RECQL5: variants seen among roughly 807,000 people sequenced by gnomAD.
RECQL5 encodes RecQ like helicase 5.
A neutral mutation model predicts 103.4 loss-of-function variants in RECQL5; 88 were observed. The ratio of observed to expected loss-of-function variants is 0.85; its 90% CI spans 0.72 to 1.02. The LOEUF (loss-of-function observed/expected upper bound fraction) is 1.02, where lower values mean the gene tolerates loss of function less well. Ranked by LOEUF, RECQL5 falls within the 50% of genes least tolerant of loss-of-function variation. The probability of loss-of-function intolerance (pLI) is 0.00; values close to 1 mark genes in which losing one functional copy is unlikely to be tolerated. For missense variants in RECQL5, 1,232 were observed against 1,284.3 expected (o/e 0.96, Z 0.62); for synonymous variants, 552 against 507.9 (o/e 1.09, Z -1.17).
At position 75,631,197 on chromosome 17, in the gene RECQL5, T is replaced by G; in HGVS notation, c.1501A>C (p.Lys501Gln). The G allele has an allele frequency of 2.5e-6, 4 of 1,613,958 alleles. No individual in the cohort carries two copies. Among genetic ancestry groups the G allele is most frequent in the Non-Finnish European group, 3.4e-6 (4 of 1,180,024 alleles). The change falls in exon 10 of 20, where the codon AAG becomes CAG. Residue 501 changes from lysine (K) to glutamine (Q), a missense_variant. Physicochemically the swap from Lys to Gln is moderately conservative, Grantham distance 53. Transcript: ENST00000317905. ...TGATAGAAGAGGTTCCACTCCCGCT[T>G]GTGGGCCTCATCTCTGCCTTCATCC... is the stretch of plus-strand genomic sequence containing the variant. ...SGDEGRDEAH[K>Q]REWNLFYQKQ...
rs773221828 is a variant in RECQL5, at chr17:75,630,752, G to T, written c.1644+27C>A. ...CGCGGCTGGGGGAGGGCCCCGGCGG[G>T]TGGCTGAGGAGCTGCCCGTCTCTTA... On this transcript the variant is annotated intron_variant, in intron 12 of 19. Coordinates refer to ENST00000317905, the MANE Select transcript of RECQL5 (RefSeq NM_004259.7). The T allele has an allele frequency of 7.6e-6, 12 of 1,589,176 alleles. No homozygotes were observed. The Middle Eastern group carries it at 8.4e-4, about 111-fold the overall frequency.
intron 8 of RECQL5, chr17:75,635,745 C>T (rs747510218): frequency 5.1e-6 from 5 of 977,040 alleles, no homozygotes; most frequent in Non-Finnish European, 6.1e-6. Context: ...TAAAACCCAC[C>T]ATGACGAAAC....
chr17:75,660,887 C>A (rs1261538545), intron 6 of RECQL5, 68 bp downstream of exon 6: 2 of 1,174,184 alleles, frequency 1.7e-6, no homozygotes, highest in African/African-American at 3.0e-5. Context: ...GTCCTTTGGG[C>A]ACAGCACTAG....
chr17:75,629,950 T>A, intron 14 of RECQL5, 108 bp from the exon 15 acceptor site: 1 of 1,427,140 alleles, frequency 7.0e-7, no homozygotes, highest in Non-Finnish European at 9.3e-7. Context: ...CTGTGGCCAG[T>A]GGCCACAGGC....
Position 75,666,354 on chromosome 17 carries a change from G to A in RECQL5, c.130+74C>T. ...AAAGGTGAGGCAGTACGAAGGGTGA[G>A]GAGGAGGGTGTTCTGCCGCAGCGTT... On this transcript the variant is annotated intron_variant, in intron 2 of 19. Coordinates refer to ENST00000317905, the MANE Select transcript of RECQL5 (RefSeq NM_004259.7). The A allele has an allele frequency of 4.6e-6, 7 of 1,533,892 alleles. No individual in the cohort carries two copies. In the South Asian group the frequency reaches 8.1e-5, roughly 18 times the overall value.
chr17:75,650,087 C>T, intron 8 of RECQL5: 1 of 985,786 alleles, frequency 1.0e-6, no homozygotes, highest in Non-Finnish European at 1.2e-6. Flanking sequence ...TTGGCCCTTT[C>T]ATTCCTCACC....
chr17:75,634,147 C>A (rs1008475734), intron 8 of RECQL5: 2 of 985,516 alleles, frequency 2.0e-6, no homozygotes, highest in Non-Finnish European at 2.4e-6. Flanking sequence ...GAGGACAGCA[C>A]GTGGAGGCTC....
Position 75,667,067 on chromosome 17 carries a change from A to G in RECQL5, c.-38T>C, listed in dbSNP as rs533210214. The G allele has an allele frequency of 8.3e-6, 3 of 360,328 alleles. No homozygotes were observed. The highest frequency in any genetic ancestry group is 8.4e-4 in the Middle Eastern group (1 of 1,196). The allele number at this position is 360,328 out of a possible 1,614,324, so 22.3% of individuals were successfully genotyped here. A position where few individuals can be genotyped will look rare whatever the true frequency, so the allele number is the denominator to read the frequency against. ...ATCAGAACCGGCCGTGGTCCGCCCA[A>G]GAATTAAAGGCTGCTGGCTGGTTCC... On this transcript the variant is annotated 5_prime_UTR_variant, in exon 1 of 20. Coordinates refer to ENST00000317905, the MANE Select transcript of RECQL5 (RefSeq NM_004259.7).
chr17:75,629,978 G>T, intron 14 of RECQL5, 136 bp from the exon 15 acceptor site: 1 of 1,208,956 alleles, frequency 8.3e-7, no homozygotes, highest in Non-Finnish European at 1.1e-6. Flanking sequence ...CACTGGGCAA[G>T]TTTTAGGCCT....
At chr17:75,657,370 TGAGCAACACA>T (rs1174962674) in intron 7 of RECQL5, among the ~76,000 whole-genome samples, 1 of 152,020 alleles carries the variant, frequency 6.6e-6, no homozygotes, top group Non-Finnish European at 1.5e-5. Flanking sequence ...CACTTGAGCC[TGAGCAACACA>T]GAGAGACCCC....
rs201468467 is a variant in RECQL5, at chr17:75,651,124, C to G, written c.1229+62G>C. On this transcript the variant is annotated intron_variant, in intron 8 of 19. Transcript: ENST00000317905. ...TCTTATGTCAGCTGCTTAACTAGGG[C>G]GTGCCGGGGAAGTAAATGATCTCAC... is the stretch of plus-strand genomic sequence containing the variant. 3.4e-4 allele frequency: 546 copies of G among 1,613,148 alleles called. No individual in the cohort carries two copies. In the East Asian group the frequency reaches 0.011, roughly 33 times the overall value.
chr17:75,634,641 G>C (rs72854940), intron 8 of RECQL5, among the ~76,000 whole-genome samples: 3 of 152,164 alleles, frequency 2.0e-5, no homozygotes, highest in Non-Finnish European at 2.9e-5. Flanking sequence ...AGCATGCGGC[G>C]CCCCCAGGAT....
intron 7 of RECQL5, 29 bp from the exon 8 acceptor site, chr17:75,651,294 G>A (rs1369851675): frequency 1.2e-6 from 2 of 1,613,618 alleles, no homozygotes. Flanking sequence ...CACTTAGCAA[G>A]TCTTATAGAA....
At chr17:75,659,900 T>C (rs2059676853) in intron 6 of RECQL5, among the ~76,000 whole-genome samples, 1 of 152,166 alleles carries the variant, frequency 6.6e-6, no homozygotes, top group Admixed American at 6.5e-5. Flanking sequence ...GTTGCCAGTG[T>C]GGGGCTAGGA....
Position 75,640,926 on chromosome 17 carries a change from G to A in RECQL5, c.1230-9258C>T, listed in dbSNP as rs991006267. On this transcript the variant is annotated intron_variant, in intron 8 of 19. Coordinates refer to ENST00000317905, the MANE Select transcript of RECQL5 (RefSeq NM_004259.7). The surrounding 1 kb of genome is among the most constrained non-coding windows in gnomAD (Gnocchi z 4.6). ...ACGGGCGATGGCTGAGGAGAAGCTG[G>A]AGAGGAGATGGCCAATGCCATGACA... 6 of 1,538,024 alleles carry A rather than the reference G, an allele frequency of 3.9e-6. No individual in the cohort carries two copies. The highest frequency in any genetic ancestry group is 5.2e-6 in the Non-Finnish European group (6 of 1,145,856).
chr17:75,657,615 G>A lies in RECQL5; in HGVS notation c.1149+683C>T, dbSNP rs909468184. Among the ~76,000 whole-genome samples the A allele has an allele frequency of 8.6e-5, 13 of 151,440 alleles. No homozygotes were observed. In the South Asian group the frequency reaches 1.0e-3, roughly 12 times the overall value. On this transcript the variant is annotated intron_variant, in intron 7 of 19. Transcript: ENST00000317905. ...AAACTGAAAAAAAAATTAGCTGGGCGTGGTGGCACACACCTGTGGTCCCAG... is the reference window on the plus strand; with the variant it reads ...AAACTGAAAAAAAAATTAGCTGGGCATGGTGGCACACACCTGTGGTCCCAG...
intron 7 of RECQL5, among the ~76,000 whole-genome samples, chr17:75,653,916 AC>A (rs2059585727): frequency 1.3e-5 from 2 of 151,002 alleles, no homozygotes; most frequent in African/African-American, 4.9e-5. Context: ...ACAAAACAAA[AC>A]AAAAAAAAAA....
At position 75,629,036 on chromosome 17, in the gene RECQL5, C is replaced by T; in HGVS notation, c.2387G>A (p.Gly796Glu). Residue 796 changes from glycine (G) to glutamate (E), a missense_variant, in exon 16 of 20, where the codon GGA (glycine) becomes GAA (glutamate). By Grantham distance (98) the Gly-to-Glu change is moderately conservative (BLOSUM62 -2). Transcript: ENST00000317905. ...GACPSCEGVQGPPMAPEKYTG... is the reference protein window; with the variant it reads ...GACPSCEGVQEPPMAPEKYTG... ...GTACTTCTCTGGGGCCATCGGGGGTCCCTGAACCCCCTCACAGGAGGGGCA... is the reference window on the plus strand; with the variant it reads ...GTACTTCTCTGGGGCCATCGGGGGTTCCTGAACCCCCTCACAGGAGGGGCA... 1 of 1,591,692 alleles carries T rather than the reference C, an allele frequency of 6.3e-7. No homozygotes were observed. The highest frequency in any genetic ancestry group is 8.6e-7 in the Non-Finnish European group (1 of 1,169,538).
chr17:75,647,014 A>G (rs1462948653), intron 8 of RECQL5, among the ~76,000 whole-genome samples: 2 of 152,228 alleles, frequency 1.3e-5, no homozygotes, highest in Non-Finnish European at 2.9e-5. Flanking sequence ...AGACTCTATC[A>G]TGATGCTTTT....
Sources: gnomAD v4.1 joint callset for allele counts (sites outside exome capture counted in the v4.1 genomes callset) on GRCh38, gnomAD v4.1.1 for gene constraint, Gnocchi (gnomAD v3.1) non-coding constraint, MANE v1.5 for transcripts, NCBI Gene and HGNC (gene_info 2026-07-23, HGNC 2026-07-21) for gene names.